Variants in TACR3 observed in about 807,000 individuals in gnomAD.
TACR3 encodes the protein neuromedin-K receptor.
A neutral mutation model predicts 35.0 loss-of-function variants in TACR3; 34 were observed. The observed-to-expected ratio is 0.97, with a 90% CI of 0.74 to 1.30. The LOEUF is 1.30. Ranked by LOEUF, TACR3 falls within the 50% of genes most tolerant of loss-of-function variation. The pLI, the probability that TACR3 is intolerant of heterozygous loss-of-function variation, is 0.00. For synonymous variants in TACR3, 233 were observed against 221.1 expected, an observed-to-expected ratio of 1.05 and a Z score of -0.48; for missense variants, 558 against 591.7, an observed-to-expected ratio of 0.94 and a Z score of 0.59.
intron 3 of TACR3, among the ~76,000 whole-genome samples, chr4:103,651,385 G>A (rs1717267009): frequency 6.6e-6 from 1 of 151,906 alleles, no homozygotes; most frequent in Admixed American, 6.6e-5. Context: ...CAGGCCTACA[G>A]GGAGTACTGC....
chr4:103,657,790 A>G (rs976205447), intron 2 of TACR3, among the ~76,000 whole-genome samples: 4 of 152,078 alleles, frequency 2.6e-5, no homozygotes, highest in African/African-American at 9.7e-5. Flanking sequence ...AAAGAACACA[A>G]ACCAAATCAA....
intron 3 of TACR3, among the ~76,000 whole-genome samples, chr4:103,596,435 T>C (rs182871112): frequency 0.011 from 1,635 of 152,098 alleles, 28 homozygotes; most frequent in African/African-American, 0.037. Context: ...TTTTTAAAGA[T>C]TGCCATTCTA....
intron 3 of TACR3, among the ~76,000 whole-genome samples, chr4:103,598,373 G>C (rs550058312): frequency 2.1e-4 from 32 of 152,202 alleles, no homozygotes; most frequent in African/African-American, 7.7e-4. Context: ...AGATAAGTAG[G>C]TTGCAAAAAC....
At chr4:103,686,757 G>T (rs1044096342) in intron 1 of TACR3, among the ~76,000 whole-genome samples, 1 of 152,122 alleles carries the variant, frequency 6.6e-6, no homozygotes, top group Non-Finnish European at 1.5e-5. Context: ...AATACGTTTA[G>T]AGAACTAAAG....
At chr4:103,656,710 A>C (rs1425503480) in intron 2 of TACR3, among the ~76,000 whole-genome samples, 2 of 152,020 alleles carry the variant, frequency 1.3e-5, no homozygotes, top group African/African-American at 4.8e-5. Context: ...GGAAAAGGGA[A>C]GGGATAGAAT....
At chr4:103,661,001 A>G (rs986836827) in intron 1 of TACR3, among the ~76,000 whole-genome samples, 2 of 152,094 alleles carry the variant, frequency 1.3e-5, no homozygotes, top group Non-Finnish European at 2.9e-5. Flanking sequence ...TTAAAAGATT[A>G]TGGGAATTGT....
At chr4:103,591,180 A>G in intron 4 of TACR3, 1 of 412,606 alleles carries the variant, frequency 2.4e-6, no homozygotes, top group Non-Finnish European at 4.4e-6. Context: ...TCCTTTAATC[A>G]TGAGGGCACT....
intron 1 of TACR3, among the ~76,000 whole-genome samples, chr4:103,709,984 C>T (rs7671520): frequency 0.33 from 50,268 of 152,008 alleles, 12,863 homozygotes; most frequent in African/African-American, 0.71. Flanking sequence ...ATGCACCCAA[C>T]ACAGGAGCAC....
At chr4:103,694,023 A>T (rs1169603298) in intron 1 of TACR3, among the ~76,000 whole-genome samples, 1 of 152,132 alleles carries the variant, frequency 6.6e-6, no homozygotes, top group Non-Finnish European at 1.5e-5. Context: ...TAATTATCTC[A>T]TATTATAACC....
At chr4:103,615,608 T>C (rs1724637175) in intron 3 of TACR3, among the ~76,000 whole-genome samples, 1 of 152,210 alleles carries the variant, frequency 6.6e-6, no homozygotes, top group South Asian at 2.1e-4. Context: ...ATTAAAAAAC[T>C]ATTGTGATGA....
chr4:103,681,188 A>G (rs931607226), intron 1 of TACR3, among the ~76,000 whole-genome samples: 1 of 152,060 alleles, frequency 6.6e-6, no homozygotes, highest in Non-Finnish European at 1.5e-5. Context: ...ATTCAGAGGC[A>G]GTCAAATCAC....
intron 1 of TACR3, among the ~76,000 whole-genome samples, chr4:103,661,185 G>A (rs1163422721): frequency 6.6e-6 from 1 of 151,940 alleles, no homozygotes; most frequent in Non-Finnish European, 1.5e-5. Context: ...TGTTATATGT[G>A]TGTGTGTGTT....
intron 3 of TACR3, among the ~76,000 whole-genome samples, chr4:103,635,951 C>A (rs887818885): frequency 6.6e-6 from 1 of 151,826 alleles, no homozygotes; most frequent in Admixed American, 6.6e-5. Context: ...CTTTCTAACA[C>A]AGTCTCTCTC....
chr4:103,703,953 A>C (rs1722723733), intron 1 of TACR3, among the ~76,000 whole-genome samples: 1 of 151,826 alleles, frequency 6.6e-6, no homozygotes, highest in Non-Finnish European at 1.5e-5. Flanking sequence ...TACAAAAAAA[A>C]TTTAGCAGGG....
chr4:103,683,266 A>C (rs900070026), intron 1 of TACR3, among the ~76,000 whole-genome samples: 1 of 151,986 alleles, frequency 6.6e-6, no homozygotes, highest in Non-Finnish European at 1.5e-5. Context: ...AAAAGTTCTC[A>C]AATAAGTAAT....
chr4:103,646,060 A>G (rs1725449581), intron 3 of TACR3, among the ~76,000 whole-genome samples: 1 of 151,948 alleles, frequency 6.6e-6, no homozygotes, highest in African/African-American at 2.4e-5. Flanking sequence ...GTCTGTATCT[A>G]CAGAATTACT....
At chr4:103,630,061 A>C (rs557473504) in intron 3 of TACR3, among the ~76,000 whole-genome samples, 6 of 152,260 alleles carry the variant, frequency 3.9e-5, no homozygotes, top group African/African-American at 1.4e-4. Flanking sequence ...CTGTTCTTTG[A>C]CAAACCTGAC....
intron 1 of TACR3, among the ~76,000 whole-genome samples, chr4:103,705,977 T>G (rs148484363): frequency 1.3e-5 from 2 of 152,290 alleles, no homozygotes; most frequent in African/African-American, 4.8e-5. Flanking sequence ...AATTCTGTGT[T>G]GCAATATGAA....
At chr4:103,678,418 G>A (rs373350781) in intron 1 of TACR3, among the ~76,000 whole-genome samples, 1 of 152,104 alleles carries the variant, frequency 6.6e-6, no homozygotes, top group Admixed American at 6.6e-5. Context: ...AATAAAGCAA[G>A]TATTAGATAA....
Sources: gnomAD v4.1 joint callset for allele counts (sites outside exome capture counted in the v4.1 genomes callset) on GRCh38, gnomAD v4.1.1 for gene constraint, MANE v1.5 for transcripts, NCBI Gene and HGNC (gene_info 2026-07-23, HGNC 2026-07-21) for gene names.